Variants in MIR2052HG observed in about 807,000 individuals in gnomAD.
MIR2052HG encodes MIR2052 host gene.
chr8:74,703,606 G>A (rs1435771918), exon 4 of MIR2052HG: 1 of 451,152 alleles, frequency 2.2e-6, no homozygotes. Context: ...TGTTTTTCAG[G>A]TTGCTTATTG....
chr8:74,731,085 G>A (rs1030539465), intron 4 of MIR2052HG, among the ~76,000 whole-genome samples: 1 of 152,152 alleles, frequency 6.6e-6, no homozygotes, highest in African/African-American at 2.4e-5. Flanking sequence ...GACTCAGCCA[G>A]TTGACATTAT....
intron 4 of MIR2052HG, among the ~76,000 whole-genome samples, chr8:74,710,855 A>G (rs1231802815): frequency 6.6e-6 from 1 of 152,154 alleles, no homozygotes; most frequent in Non-Finnish European, 1.5e-5. Flanking sequence ...AATTCAAATT[A>G]CCAATAATAT....
intron 2 of MIR2052HG, among the ~76,000 whole-genome samples, chr8:74,640,720 C>A (rs1019639266): frequency 2.6e-5 from 4 of 152,154 alleles, no homozygotes; most frequent in Admixed American, 1.3e-4. Context: ...CTAACAGTAT[C>A]CCAGGAAAGC....
At chr8:74,680,401 A>C (rs1412173805) in intron 2 of MIR2052HG, among the ~76,000 whole-genome samples, 1 of 152,186 alleles carries the variant, frequency 6.6e-6, no homozygotes, top group Non-Finnish European at 1.5e-5. Flanking sequence ...AAGTGGGTGA[A>C]GGACATGAAC....
At chr8:74,737,463 G>T (rs73339300) in intron 4 of MIR2052HG, among the ~76,000 whole-genome samples, 16,446 of 152,006 alleles carry the variant, frequency 0.11, 2,029 homozygotes, top group African/African-American at 0.31. Context: ...TACTTGCTTT[G>T]TTGGGCGTTT....
chr8:74,666,602 A>G (rs1205067698), intron 2 of MIR2052HG, among the ~76,000 whole-genome samples: 4 of 152,190 alleles, frequency 2.6e-5, no homozygotes, highest in Non-Finnish European at 4.4e-5. Flanking sequence ...TATTGGCTGA[A>G]TGAATGTCTT....
chr8:74,663,193 C>G (rs985263766), intron 2 of MIR2052HG, among the ~76,000 whole-genome samples: 6 of 151,876 alleles, frequency 4.0e-5, no homozygotes, highest in African/African-American at 1.5e-4. Context: ...TGAAAGTGAA[C>G]AGAAGATGTA....
rs141448470 is a variant in MIR2052HG, at chr8:74,659,824, C to T, written n.217-42555C>T. Among the ~76,000 whole-genome samples the T allele has an allele frequency of 3.9e-4, 60 of 152,210 alleles. 1 individual carries two copies. In the East Asian group the frequency reaches 9.5e-3, roughly 24 times the overall value. On this transcript the variant is annotated intron_variant and non_coding_transcript_variant, in intron 2 of 6. Transcript: ENST00000523442. ...AGCACTTACAGGTAATTGAATTGTT[C>T]TAATTTCTCAATTTTGAACCAAGCT...
chr8:74,739,513 G>A (rs190822360), intron 4 of MIR2052HG, among the ~76,000 whole-genome samples: 7 of 152,254 alleles, frequency 4.6e-5, no homozygotes, highest in African/African-American at 1.4e-4. Flanking sequence ...ATACTTTAGA[G>A]TGCACTGAGA....
intron 2 of MIR2052HG, among the ~76,000 whole-genome samples, chr8:74,670,526 A>G (rs910565482): frequency 3.3e-5 from 5 of 152,214 alleles, no homozygotes; most frequent in African/African-American, 1.2e-4. Context: ...ACGATGAAAG[A>G]TAATCAAGCA....
intron 2 of MIR2052HG, among the ~76,000 whole-genome samples, chr8:74,687,374 C>A (rs1280498478): frequency 6.6e-6 from 1 of 152,118 alleles, no homozygotes; most frequent in African/African-American, 2.4e-5. Context: ...AAATGAGGAT[C>A]TCAGAGAGAC....
exon 2 of MIR2052HG, chr8:74,612,890 A>G (rs1360815417): frequency 2.2e-6 from 1 of 456,264 alleles, no homozygotes; most frequent in South Asian, 1.5e-5. Context: ...CAAAGGTGGC[A>G]GCTTTGGAGC....
Position 74,603,894 on chromosome 8 carries a change from AC to A in MIR2052HG, n.128+3988del, listed in dbSNP as rs1808065340. 4 of 1,099,774 alleles carry A rather than the reference AC, an allele frequency of 3.6e-6. No individual in the cohort carries two copies. In the East Asian group the frequency reaches 9.4e-5, roughly 26 times the overall value. The allele number at this position is 1,099,774 out of a possible 1,614,324, so 68.1% of individuals were successfully genotyped here. ...TCTCTCGTATTTCCTTGATCTTGCAACCACCTTTTCCAATGAGAGAGCCACA... is the reference window on the plus strand; with the variant it reads ...TCTCTCGTATTTCCTTGATCTTGCAACACCTTTTCCAATGAGAGAGCCACA... On this transcript the variant is annotated intron_variant and non_coding_transcript_variant, in intron 1 of 6. Transcript: ENST00000523442.
At chr8:74,674,330 T>A (rs1809027918) in intron 2 of MIR2052HG, among the ~76,000 whole-genome samples, 1 of 151,802 alleles carries the variant, frequency 6.6e-6, no homozygotes, top group Non-Finnish European at 1.5e-5. Flanking sequence ...AGTGATGGCT[T>A]CTTACACTAG....
chr8:74,701,117 T>C (rs1809353323), intron 2 of MIR2052HG, among the ~76,000 whole-genome samples: 1 of 152,140 alleles, frequency 6.6e-6, no homozygotes, highest in Non-Finnish European at 1.5e-5. Context: ...TAAAGAAAAC[T>C]GTGGCCATTG....
intron 2 of MIR2052HG, among the ~76,000 whole-genome samples, chr8:74,647,078 C>T (rs188174659): frequency 2.0e-5 from 3 of 152,268 alleles, no homozygotes; most frequent in Admixed American, 6.5e-5. Flanking sequence ...CAAAAGTTCA[C>T]CTAACCTTAT....
chr8:74,752,625 T>A (rs375312433), intron 5 of MIR2052HG: 4 of 354,398 alleles, frequency 1.1e-5, no homozygotes, highest in East Asian at 1.9e-4. Flanking sequence ...CAAGAAGCAT[T>A]TGATTGTATC....
At chr8:74,613,192 C>A (rs1389860778) in intron 2 of MIR2052HG, among the ~76,000 whole-genome samples, 1 of 152,146 alleles carries the variant, frequency 6.6e-6, no homozygotes, top group Non-Finnish European at 1.5e-5. Context: ...AAGTGTGTTT[C>A]TTCTTGCTCT....
chr8:74,730,023 G>A (rs927137818), intron 4 of MIR2052HG, among the ~76,000 whole-genome samples: 11 of 152,108 alleles, frequency 7.2e-5, no homozygotes, highest in African/African-American at 2.7e-4. Context: ...TTACTTATCT[G>A]TTACTGGCTA....
Sources: allele counts gnomAD v4.1 joint callset (sites outside exome capture counted in the v4.1 genomes callset), GRCh38; gene constraint gnomAD v4.1.1; transcripts MANE v1.5; gene names NCBI Gene and HGNC (gene_info 2026-07-23, HGNC 2026-07-21).